Variants in SLC6A19 observed in about 807,000 individuals in gnomAD.
The protein encoded by SLC6A19 is sodium-dependent neutral amino acid transporter B(0)AT1.
In SLC6A19, 67 loss-of-function variants were observed where a neutral mutation model predicts 68.3. That is an observed-to-expected ratio of 0.98 (90% CI 0.81 to 1.20). SLC6A19 has a LOEUF of 1.20. Among genes scored for constraint, SLC6A19 ranks in the 50% most tolerant of loss-of-function variants. The pLI, the probability that SLC6A19 is intolerant of heterozygous loss-of-function variation, is 0.00. For missense variants in SLC6A19, 813 were observed against 851.6 expected, an observed-to-expected ratio of 0.95 and a Z score of 0.56; for synonymous variants, 392 against 374.9, an observed-to-expected ratio of 1.05 and a Z score of -0.53.
chr5:1,211,500 G>T (rs1268708518), intron 3 of SLC6A19, among the ~76,000 whole-genome samples: 1 of 152,242 alleles, frequency 6.6e-6, no homozygotes, highest in Non-Finnish European at 1.5e-5. Flanking sequence ...CTGACTGTTG[G>T]GGCTGGAGCC....
In SLC6A19 at chr5:1,219,034, C is replaced by T. The variant is rs2126512232; in HGVS notation, c.1305C>T (p.Asn435=). ...FCLGLSSMFG[N]MEGVVVPLQD... The stretch of plus-strand genomic sequence containing the variant: ...TGGGGCTGTCATCTATGTTTGGGAA[C>T]ATGGAGGGCGTCGTTGTGCCCCTGC... Residue 435 remains asparagine (N), a synonymous_variant, in exon 9 of 12, where the codon AAC becomes AAT. Transcript: ENST00000304460. 1.2e-6 allele frequency: 2 copies of T among 1,614,098 alleles called. No individual in the cohort carries two copies. The highest frequency in any genetic ancestry group is 1.7e-6 in the Non-Finnish European group (2 of 1,180,022).
At position 1,215,257 on chromosome 5, in the gene SLC6A19, C is replaced by T. The variant is rs1464442734; in HGVS notation, c.887+1192C>T. Among the ~76,000 whole-genome samples, 2 of 152,140 alleles carry T rather than the reference C, an allele frequency of 1.3e-5. No homozygotes were observed. Among genetic ancestry groups the T allele is most frequent in the East Asian group, 3.9e-4 (2 of 5,192 alleles). On this transcript the variant is annotated intron_variant, in intron 6 of 11. Transcript: ENST00000304460. The surrounding 1 kb of genome is among the most constrained non-coding windows in gnomAD (Gnocchi z 5.1). ...ATTTTTATAACAGCTTTATTCAGAT[C>T]ATTTGAATACCACACAACTCCCCCA...
Position 1,212,509 on chromosome 5 carries a change from G to A in SLC6A19, c.663+25G>A. 1.2e-6 allele frequency: 2 copies of A among 1,602,996 alleles called. No homozygotes were observed. Among genetic ancestry groups the A allele is most frequent in the East Asian group, 2.2e-5 (1 of 44,842 alleles). ...GGTACTGCATGGGCCCGGCCAGGCT[G>A]CAGGTGCTCCAGAGGGCGGGTGCGG... On this transcript the variant is annotated intron_variant, in intron 4 of 11. Coordinates refer to ENST00000304460, the MANE Select transcript of SLC6A19 (RefSeq NM_001003841.3). The surrounding 1 kb of genome is among the most constrained non-coding windows in gnomAD (Gnocchi z 5.1).
chr5:1,208,946 C>G, intron 2 of SLC6A19, 60 bp downstream of exon 2: 1 of 1,564,622 alleles, frequency 6.4e-7, no homozygotes, highest in Admixed American at 1.9e-5. Flanking sequence ...GGAAGCCGTT[C>G]CACCCGGGCC....
Position 1,214,593 on chromosome 5 carries a change from C to G in SLC6A19, c.887+528C>G, listed in dbSNP as rs889084414. ...TTAATTTCCACTAGCATTTATGAAG[C>G]ACCTACTATGTGCCCGACCTGGTGC... On this transcript the variant is annotated intron_variant, in intron 6 of 11. Coordinates refer to ENST00000304460, the MANE Select transcript of SLC6A19 (RefSeq NM_001003841.3). The surrounding 1 kb of genome is among the most constrained non-coding windows in gnomAD (Gnocchi z 7.4). Among the ~76,000 whole-genome samples, 1 of 152,156 alleles carries G rather than the reference C, an allele frequency of 6.6e-6. No homozygotes were observed. Among genetic ancestry groups the G allele is most frequent in the Non-Finnish European group, 1.5e-5 (1 of 68,030 alleles).
chr5:1,212,380 A>T lies in SLC6A19; in HGVS notation c.559A>T (p.Ile187Phe). 1 of 1,613,480 alleles carries T rather than the reference A, an allele frequency of 6.2e-7. No individual in the cohort carries two copies. Among genetic ancestry groups the T allele is most frequent in the Non-Finnish European group, 8.5e-7 (1 of 1,179,952 alleles). Residue 187 changes from isoleucine (I) to phenylalanine (F), a missense_variant, in exon 4 of 12, where the codon ATC becomes TTC. Transcript: ENST00000304460. This position sits in a 1 kb window ranked among gnomAD's most constrained non-coding sequence, Gnocchi z 5.1. Reference protein sequence around the residue: ...YRETLNISTSISDSGSIQWWM... With the variant: ...YRETLNISTSFSDSGSIQWWM... ...AGAGACGCTCAACATCTCCACGTCC[A>T]TCAGCGACTCGGGCTCCATCCAGTG...
rs1337695176 is a variant in SLC6A19 at position 1,223,816 on chromosome 5, T to C, written c.*1912T>C. The C allele has an allele frequency of 1.3e-5, 2 of 152,232 alleles. No homozygotes were observed. Among genetic ancestry groups the C allele is most frequent in the African/African-American group, 4.8e-5 (2 of 41,428 alleles). The allele number at this position is 152,232 out of a possible 1,614,324, so 9.4% of individuals were successfully genotyped here. On this transcript the variant is annotated 3_prime_UTR_variant, in exon 12 of 12. Transcript: ENST00000304460. ...AGCCTGGTGTGTGCCAGTATGATGTTCCACCCACAGAAACCTGGTCACAAT... is the reference window on the plus strand; with the variant it reads ...AGCCTGGTGTGTGCCAGTATGATGTCCCACCCACAGAAACCTGGTCACAAT...
Position 1,219,108 on chromosome 5 carries a change from G to A in SLC6A19, c.1378+1G>A. ...AAGTGGCCCAAGGAGGTGCTCACAG[G>A]TACGTGTGCAGTCGGGAGGGGTCCC... On this transcript the variant is annotated splice_donor_variant, in intron 9 of 11. Coordinates refer to ENST00000304460, the MANE Select transcript of SLC6A19 (RefSeq NM_001003841.3). LOFTEE classifies it high-confidence loss of function. 6.2e-7 allele frequency: 1 copy of A among 1,611,698 alleles called. No individual in the cohort carries two copies. Among genetic ancestry groups the A allele is most frequent in the Non-Finnish European group, 8.5e-7 (1 of 1,179,032 alleles).
At chr5:1,203,037 C>G (rs374786190) in intron 1 of SLC6A19, among the ~76,000 whole-genome samples, 39 of 152,268 alleles carry the variant, frequency 2.6e-4, no homozygotes, top group Admixed American at 8.5e-4. Context: ...GTCCTCGCCC[C>G]CTCCCCCAGG....
intron 2 of SLC6A19, among the ~76,000 whole-genome samples, chr5:1,210,064 A>C (rs1196235837): frequency 6.6e-6 from 1 of 152,254 alleles, no homozygotes; most frequent in Non-Finnish European, 1.5e-5. Context: ...CCCAGCCCGT[A>C]GGCAGCAACC....
intron 8 of SLC6A19, among the ~76,000 whole-genome samples, chr5:1,218,101 G>C (rs2067283084): frequency 6.6e-6 from 1 of 151,490 alleles, no homozygotes; most frequent in Admixed American, 6.6e-5. Flanking sequence ...GTATGCACGT[G>C]CTGCTGCCTG....
At chr5:1,207,201 G>A (rs4077786) in intron 1 of SLC6A19, among the ~76,000 whole-genome samples, 42,677 of 152,162 alleles carry the variant, frequency 0.28, 6,452 homozygotes, top group Non-Finnish European at 0.35. Context: ...CGGTGTCCAC[G>A]CTGCCCTGGC....
At chr5:1,210,082 T>C (rs979108066) in intron 2 of SLC6A19, among the ~76,000 whole-genome samples, 17 of 152,384 alleles carry the variant, frequency 1.1e-4, no homozygotes, top group African/African-American at 3.8e-4. Context: ...ACCAGGCTAC[T>C]GGTACATCAA....
chr5:1,205,261 C>T (rs564198852), intron 1 of SLC6A19, among the ~76,000 whole-genome samples: 1 of 152,376 alleles, frequency 6.6e-6, no homozygotes, highest in South Asian at 2.1e-4. Context: ...TCACCCCACA[C>T]TAGGAAGAAG....
At position 1,214,152 on chromosome 5, in the gene SLC6A19, CTG is replaced by C; in HGVS notation, c.887+90_887+91del. 1 of 1,591,046 alleles carries C rather than the reference CTG, an allele frequency of 6.3e-7. No homozygotes were observed. Among genetic ancestry groups the C allele is most frequent in the South Asian group, 1.1e-5 (1 of 88,840 alleles). ...GATAAAAGACAAGGTGGAAAGCACT[CTG>C]TGGCTGTGTGGCCGGGGCCTTGCTG... On this transcript the variant is annotated intron_variant, in intron 6 of 11. Transcript: ENST00000304460. This position sits in a 1 kb window ranked among gnomAD's most constrained non-coding sequence, Gnocchi z 7.4.
rs979785175 is a variant in SLC6A19, at chr5:1,218,776, T to C, written c.1174-127T>C. 1.7e-5 allele frequency: 15 copies of C among 876,126 alleles called. No individual in the cohort carries two copies. The African/African-American group carries it at 2.3e-4, about 14-fold the overall frequency. 54.3% of individuals were successfully genotyped at this position (876,126 alleles called of 1,614,324 possible). On this transcript the variant is annotated intron_variant, in intron 8 of 11. Transcript: ENST00000304460. ...TTGGGCCTAAAAGACAAGATCTAGC[T>C]ATTTCATGACAGCTCAGACCTGCCC... is the stretch of plus-strand genomic sequence containing the variant.
At position 1,209,439 on chromosome 5, in the gene SLC6A19, G is replaced by A. The variant is rs1037032623; in HGVS notation, c.343+553G>A. Among the ~76,000 whole-genome samples the A allele has an allele frequency of 6.6e-6, 1 of 152,090 alleles. No individual in the cohort carries two copies. Among genetic ancestry groups the A allele is most frequent in the South Asian group, 2.1e-4 (1 of 4,826 alleles). ...ACTCCAGAGAGGAGTCTGAGTCCAG[G>A]AAGCACCTGCCCTTCGGAAGCCTGC... On this transcript the variant is annotated intron_variant, in intron 2 of 11. Transcript: ENST00000304460. This position sits in a 1 kb window ranked among gnomAD's most constrained non-coding sequence, Gnocchi z 5.5.
In SLC6A19 at chr5:1,213,936, G is replaced by T. The variant is rs199899425; in HGVS notation, c.775-17G>T. ...CCATCTGCACCATGAGTGGCTGAGG[G>T]TCTCCATGTGGCGCAGGTCACGGAG... On this transcript the variant is annotated splice_polypyrimidine_tract_variant and intron_variant, in intron 5 of 11. Coordinates refer to ENST00000304460, the MANE Select transcript of SLC6A19 (RefSeq NM_001003841.3). 1.6e-5 allele frequency: 26 copies of T among 1,612,270 alleles called. No homozygotes were observed. In the East Asian group the frequency reaches 5.1e-4, roughly 32 times the overall value.
At chr5:1,219,168 C>T (rs1746290122) in intron 9 of SLC6A19, 61 bp downstream of exon 9, 3 of 1,518,716 alleles carry the variant, frequency 2.0e-6, no homozygotes, top group African/African-American at 1.4e-5. Flanking sequence ...ATGGCAGCCC[C>T]CGGCTGTGTG....
Sources: allele counts gnomAD v4.1 joint callset (sites outside exome capture counted in the v4.1 genomes callset), GRCh38; gene constraint gnomAD v4.1.1; non-coding constraint Gnocchi (gnomAD v3.1); transcripts MANE v1.5; gene names NCBI Gene and HGNC (gene_info 2026-07-23, HGNC 2026-07-21).